PLEKHM3: variants seen among roughly 807,000 people sequenced by gnomAD.
PLEKHM3 encodes pleckstrin homology domain containing M3.
Under a neutral mutation model 81.8 loss-of-function variants are expected in PLEKHM3, and 45 were observed. The ratio of observed to expected loss-of-function variants is 0.55; its 90% CI spans 0.43 to 0.71. The LOEUF is 0.71. PLEKHM3 is among the 30% of genes least tolerant of loss of function. PLEKHM3 has a pLI of 0.00. For synonymous variants in PLEKHM3, 352 were observed against 356.4 expected (o/e 0.99, Z 0.14); for missense variants, 788 against 924.3 (o/e 0.85, Z 1.91).
intron 5 of PLEKHM3, among the ~76,000 whole-genome samples, chr2:207,925,040 A>T (rs532172784): frequency 6.6e-6 from 1 of 152,264 alleles, no homozygotes; most frequent in East Asian, 1.9e-4. Context: ...CCAGCCTGCA[A>T]GGGGCCACGT....
chr2:207,985,375 A>G (rs1268712707), intron 2 of PLEKHM3, among the ~76,000 whole-genome samples: 2 of 151,884 alleles, frequency 1.3e-5, no homozygotes, highest in Non-Finnish European at 2.9e-5. Flanking sequence ...TACCCTTATG[A>G]CGACTCAGAG....
intron 4 of PLEKHM3, among the ~76,000 whole-genome samples, chr2:207,939,866 T>C (rs1057475767): frequency 6.6e-6 from 1 of 152,184 alleles, no homozygotes; most frequent in Non-Finnish European, 1.5e-5. Context: ...GTGGAGAGCA[T>C]GGCCTCAGGA....
intron 2 of PLEKHM3, among the ~76,000 whole-genome samples, chr2:207,979,536 G>GAAAA (rs796407911): frequency 3.8e-5 from 4 of 105,124 alleles, no homozygotes; most frequent in Non-Finnish European, 4.0e-5. Flanking sequence ...CGCCGTCTCA[G>GAAAA]AAAAAAAAAA....
At chr2:207,910,684 G>C (rs1187801953) in intron 5 of PLEKHM3, among the ~76,000 whole-genome samples, 1 of 152,094 alleles carries the variant, frequency 6.6e-6, no homozygotes, top group Non-Finnish European at 1.5e-5. Flanking sequence ...TCTTCTGGAT[G>C]GATGTTTATT....
At chr2:208,013,050 G>A (rs964108777) in intron 1 of PLEKHM3, among the ~76,000 whole-genome samples, 2 of 152,136 alleles carry the variant, frequency 1.3e-5, no homozygotes, top group Non-Finnish European at 2.9e-5. Context: ...GTATACAAAG[G>A]TGTTATACAA....
intron 2 of PLEKHM3, among the ~76,000 whole-genome samples, chr2:207,996,495 C>T (rs1692125385): frequency 6.6e-6 from 1 of 152,088 alleles, no homozygotes; most frequent in South Asian, 2.1e-4. Context: ...TATTTTTGAG[C>T]ACATGTTCAA....
chr2:207,828,730 G>T (rs139020393), intron 7 of PLEKHM3, among the ~76,000 whole-genome samples: 21 of 152,218 alleles, frequency 1.4e-4, no homozygotes, highest in East Asian at 1.4e-3. Context: ...GCTTATGAGT[G>T]GGGGGGAGTC....
intron 1 of PLEKHM3, among the ~76,000 whole-genome samples, chr2:208,002,897 C>A (rs1438556314): frequency 6.6e-6 from 1 of 151,696 alleles, no homozygotes; most frequent in Non-Finnish European, 1.5e-5. Flanking sequence ...GTCACATATA[C>A]CTTTTACCAG....
chr2:207,943,969 T>A (rs1302458450), intron 4 of PLEKHM3, among the ~76,000 whole-genome samples: 2 of 151,112 alleles, frequency 1.3e-5, no homozygotes, highest in African/African-American at 4.9e-5. Flanking sequence ...AGATGTCCAA[T>A]AGGCAATTAA....
In PLEKHM3 at chr2:207,866,833, T is replaced by A. The variant is rs192070104; in HGVS notation, c.1951-5571A>T. Among the ~76,000 whole-genome samples, 196 of 152,310 alleles carry A rather than the reference T, an allele frequency of 1.3e-3. 2 individuals carry two copies. The highest frequency in any genetic ancestry group is 4.6e-3 in the African/African-American group (191 of 41,564). ...CTTTGGCTACTTCAGACACCATAAA[T>A]CTCTTGTGTTTCTCCCTAGAAATTA... is the stretch of plus-strand genomic sequence containing the variant. On this transcript the variant is annotated intron_variant, in intron 6 of 7. Coordinates refer to ENST00000427836, the MANE Select transcript of PLEKHM3 (RefSeq NM_001080475.3).
At chr2:207,906,619 T>C (rs1688619707) in intron 6 of PLEKHM3, among the ~76,000 whole-genome samples, 2 of 152,010 alleles carry the variant, frequency 1.3e-5, no homozygotes, top group African/African-American at 2.4e-5. Context: ...TGAAACCCCG[T>C]CTCTAGTAAA....
At chr2:207,924,404 G>T (rs1026104341) in intron 5 of PLEKHM3, among the ~76,000 whole-genome samples, 2 of 151,966 alleles carry the variant, frequency 1.3e-5, no homozygotes, top group African/African-American at 4.8e-5. Flanking sequence ...CCCTGATAAG[G>T]CCAGGTGTGG....
intron 3 of PLEKHM3, 101 bp from the exon 4 acceptor site, chr2:207,946,613 A>C: frequency 7.7e-6 from 11 of 1,424,102 alleles, no homozygotes; most frequent in African/African-American, 1.4e-5. Context: ...GTTATATTTC[A>C]TTTACCTAGT....
intron 4 of PLEKHM3, among the ~76,000 whole-genome samples, chr2:207,932,117 C>T (rs1454441051): frequency 1.3e-5 from 2 of 152,238 alleles, no homozygotes. Context: ...AGGAGTTGCT[C>T]TTATTACAAC....
rs114930951 is a variant in PLEKHM3 at position 207,848,950 on chromosome 2, G to A, written c.2108+12155C>T. On this transcript the variant is annotated intron_variant, in intron 7 of 7. Transcript: ENST00000427836. Reference sequence around the variant, plus strand: ...AAATAGATTTTAAAAATGAAAAAGCGGATAAACCCTGTTAGAAGCTCATCT... The same window carrying A: ...AAATAGATTTTAAAAATGAAAAAGCAGATAAACCCTGTTAGAAGCTCATCT... Among the ~76,000 whole-genome samples, 1,279 of 152,288 alleles carry A rather than the reference G, an allele frequency of 8.4e-3. 11 individuals carry two copies. The highest frequency in any genetic ancestry group is 0.031 in the Middle Eastern group (9 of 294).
intron 6 of PLEKHM3, among the ~76,000 whole-genome samples, chr2:207,903,524 C>T (rs955282510): frequency 6.6e-6 from 1 of 152,188 alleles, no homozygotes; most frequent in Non-Finnish European, 1.5e-5. Flanking sequence ...CATTAATATA[C>T]ATTTTAGGTT....
chr2:207,923,899 A>T (rs1410235458), intron 5 of PLEKHM3, among the ~76,000 whole-genome samples: 3,696 of 81,482 alleles, frequency 0.045, 166 homozygotes, highest in Non-Finnish European at 0.069. Flanking sequence ...ATATATATAT[A>T]TATATATTTT....
Position 207,846,491 on chromosome 2 carries a change from T to C in PLEKHM3, c.2108+14614A>G, listed in dbSNP as rs549018754. Among the ~76,000 whole-genome samples, 5 of 152,048 alleles carry C rather than the reference T, an allele frequency of 3.3e-5. No individual in the cohort carries two copies. The South Asian group carries it at 1.0e-3, about 32-fold the overall frequency. Reference sequence around the variant, plus strand: ...CCTGTGTTTATTCGATGGATCTTAATGATTTTAGAGCCAATTAAAATTTTT... The same window carrying C: ...CCTGTGTTTATTCGATGGATCTTAACGATTTTAGAGCCAATTAAAATTTTT... On this transcript the variant is annotated intron_variant, in intron 7 of 7. Coordinates refer to ENST00000427836, the MANE Select transcript of PLEKHM3 (RefSeq NM_001080475.3).
intron 3 of PLEKHM3, among the ~76,000 whole-genome samples, chr2:207,965,386 C>T (rs931065165): frequency 2.8e-5 from 4 of 143,974 alleles, no homozygotes; most frequent in African/African-American, 5.3e-5. Flanking sequence ...GAGAAATGAA[C>T]GGCTTAAAAA....
Sources: gnomAD v4.1 joint callset for allele counts (sites outside exome capture counted in the v4.1 genomes callset) on GRCh38, gnomAD v4.1.1 for gene constraint, MANE v1.5 for transcripts, NCBI Gene and HGNC (gene_info 2026-07-23, HGNC 2026-07-21) for gene names.